DOCK7: variants seen among roughly 807,000 people sequenced by gnomAD.
The protein encoded by DOCK7 is dedicator of cytokinesis 7.
Under a neutral mutation model 271.0 loss-of-function variants are expected in DOCK7, and 138 were observed. That is an observed-to-expected ratio of 0.51 (90% confidence interval 0.44 to 0.59). The LOEUF (loss-of-function observed/expected upper bound fraction) is 0.59, where lower values mean the gene tolerates loss of function less well. Ranked by LOEUF, DOCK7 falls within the 20% of genes least tolerant of loss-of-function variation. DOCK7 has a pLI of 0.00. For synonymous variants in DOCK7, 823 were observed against 876.1 expected (o/e 0.94, Z 1.07); for missense variants, 2,066 against 2,592.4 (o/e 0.80, Z 4.41).
At position 62,578,974 on chromosome 1, in the gene DOCK7, CAA is replaced by C. The variant is rs199915737; in HGVS notation, c.1872-10_1872-9del. 13,417 of 1,222,388 alleles carry C rather than the reference CAA, an allele frequency of 0.011. No individual in the cohort carries two copies. Among genetic ancestry groups the C allele is most frequent in the South Asian group, 0.028 (1,372 of 48,862 alleles). 75.7% of individuals were successfully genotyped at this position (1,222,388 alleles called of 1,614,324 possible). ...TCATGAAAATCAGGAGACCTTCATA[CAA>C]AAAAAAAAAAAAATCAACAGTCAGT... is the stretch of plus-strand genomic sequence containing the variant. On this transcript the variant is annotated splice_polypyrimidine_tract_variant and intron_variant, in intron 16 of 49. Transcript: ENST00000635253.
intron 1 of DOCK7, among the ~76,000 whole-genome samples, chr1:62,679,713 A>G (rs1053945329): frequency 6.6e-6 from 1 of 152,204 alleles, no homozygotes; most frequent in Non-Finnish European, 1.5e-5. Flanking sequence ...CACTTTAGAA[A>G]ACAGTTTGAC....
intron 12 of DOCK7, among the ~76,000 whole-genome samples, chr1:62,623,535 A>G (rs1653545810): frequency 6.6e-6 from 1 of 152,244 alleles, no homozygotes; most frequent in East Asian, 1.9e-4. Flanking sequence ...TTATTGATTT[A>G]TGCTTATAAT....
intron 34 of DOCK7, 143 bp downstream of exon 34, chr1:62,510,429 TTTAAA>T (rs1258612363): frequency 8.1e-6 from 4 of 496,408 alleles, no homozygotes; most frequent in African/African-American, 2.0e-5. Flanking sequence ...ATCTAAAATT[TTTAAA>T]TTAAATATTT....
chr1:62,661,507 T>C (rs1360345457), intron 2 of DOCK7, among the ~76,000 whole-genome samples: 1 of 151,994 alleles, frequency 6.6e-6, no homozygotes, highest in Admixed American at 6.6e-5. Flanking sequence ...CATATATAAA[T>C]ATTTTTTTAA....
chr1:62,634,993 G>A, intron 8 of DOCK7, 71 bp from the exon 9 acceptor site: 1 of 996,720 alleles, frequency 1.0e-6, no homozygotes, highest in South Asian at 2.2e-5. Context: ...AAAGAAAGCT[G>A]CTTCTGCTAC....
intron 16 of DOCK7, among the ~76,000 whole-genome samples, chr1:62,582,057 C>T (rs1647141556): frequency 6.6e-6 from 1 of 152,062 alleles, no homozygotes; most frequent in Non-Finnish European, 1.5e-5. Context: ...GGGAGTAGGC[C>T]ATCACTCCCC....
At chr1:62,670,690 A>G (rs1659881816) in intron 1 of DOCK7, among the ~76,000 whole-genome samples, 2 of 151,662 alleles carry the variant, frequency 1.3e-5, no homozygotes, top group South Asian at 4.2e-4. Context: ...AACTAATCTG[A>G]TGGGGACGTG....
At chr1:62,505,584 T>C in intron 36 of DOCK7, 98 bp downstream of exon 36, 1 of 1,306,546 alleles carries the variant, frequency 7.7e-7, no homozygotes, top group Non-Finnish European at 1.0e-6. Flanking sequence ...CATTAATATA[T>C]TACTACATAT....
At chr1:62,675,119 A>T (rs1162374892) in intron 1 of DOCK7, among the ~76,000 whole-genome samples, 2 of 152,220 alleles carry the variant, frequency 1.3e-5, no homozygotes, top group African/African-American at 4.8e-5. Flanking sequence ...AATCCCACTG[A>T]AAAATGAATA....
chr1:62,599,823 GAC>G (rs1340697883), intron 14 of DOCK7, among the ~76,000 whole-genome samples: 3 of 151,896 alleles, frequency 2.0e-5, no homozygotes, highest in African/African-American at 7.2e-5. Flanking sequence ...CTGGTGAAGT[GAC>G]AGAGGGAAGC....
At chr1:62,511,516 T>C (rs2149335196) in intron 33 of DOCK7, among the ~76,000 whole-genome samples, 1 of 152,220 alleles carries the variant, frequency 6.6e-6, no homozygotes, top group Non-Finnish European at 1.5e-5. Context: ...TGAAGAATAA[T>C]GAAAGTAAAT....
intron 31 of DOCK7, among the ~76,000 whole-genome samples, chr1:62,515,285 A>T (rs1054794860): frequency 1.3e-5 from 2 of 152,268 alleles, no homozygotes; most frequent in Non-Finnish European, 2.9e-5. Flanking sequence ...CCATGCATAT[A>T]AGTGAATTCA....
At chr1:62,657,035 A>G (rs1658101978) in intron 2 of DOCK7, among the ~76,000 whole-genome samples, 1 of 152,192 alleles carries the variant, frequency 6.6e-6, no homozygotes, top group Non-Finnish European at 1.5e-5. Flanking sequence ...TCTTACTCCC[A>G]AAGTCTCAGT....
chr1:62,666,131 T>A (rs1352402679), intron 1 of DOCK7, among the ~76,000 whole-genome samples: 1 of 151,984 alleles, frequency 6.6e-6, no homozygotes, highest in African/African-American at 2.4e-5. Context: ...ACCACTGCAC[T>A]CCAGCCTGGG....
At chr1:62,657,783 A>G (rs548635891) in intron 2 of DOCK7, among the ~76,000 whole-genome samples, 30 of 152,304 alleles carry the variant, frequency 2.0e-4, no homozygotes, top group African/African-American at 7.0e-4. Flanking sequence ...CAATAGCAGA[A>G]AAGAGGGGAC....
At chr1:62,492,540 A>G in intron 41 of DOCK7, 164 bp downstream of exon 41, 1 of 729,236 alleles carries the variant, frequency 1.4e-6, no homozygotes, top group South Asian at 1.8e-5. Flanking sequence ...CTCCCGTCTT[A>G]GCCTCTCAAA....
At chr1:62,653,701 T>C (rs1412735987) in intron 4 of DOCK7, 24 bp downstream of exon 4, 1 of 1,399,276 alleles carries the variant, frequency 7.1e-7, no homozygotes. Flanking sequence ...TATTTGTAAA[T>C]GTTGTAATAA....
chr1:62,674,696 A>G (rs539479034), intron 1 of DOCK7, among the ~76,000 whole-genome samples: 10 of 152,232 alleles, frequency 6.6e-5, no homozygotes, highest in Non-Finnish European at 1.5e-4. Context: ...GTGCCAAGGC[A>G]ATTCAATTGG....
chr1:62,598,087 T>C (rs767839270), intron 14 of DOCK7: 2 of 1,547,934 alleles, frequency 1.3e-6, no homozygotes, highest in Non-Finnish European at 1.7e-6. Context: ...AGAGGGTTCA[T>C]GTTTATGTTT....
Sources: gnomAD v4.1 joint callset for allele counts (sites outside exome capture counted in the v4.1 genomes callset) on GRCh38, gnomAD v4.1.1 for gene constraint, MANE v1.5 for transcripts, NCBI Gene and HGNC (gene_info 2026-07-23, HGNC 2026-07-21) for gene names.